Variants in C11orf65 observed in about 807,000 individuals in gnomAD.
The protein encoded by C11orf65 is protein MFI.
Under a neutral mutation model 35.3 loss-of-function variants are expected in C11orf65, and 38 were observed. That is an observed-to-expected ratio of 1.08 (90% confidence interval 0.83 to 1.41). C11orf65 has a LOEUF of 1.41. C11orf65 is among the 40% of genes most tolerant of loss of function. The probability of loss-of-function intolerance (pLI) is 0.00; values close to 1 mark genes in which losing one functional copy is unlikely to be tolerated. For missense variants in C11orf65, 370 were observed against 367.1 expected, an observed-to-expected ratio of 1.01 and a Z score of -0.06; for synonymous variants, 105 against 114.4, an observed-to-expected ratio of 0.92 and a Z score of 0.53.
chr11:108,361,820 C>T (rs879006502), intron 2 of C11orf65, among the ~76,000 whole-genome samples: 3 of 152,196 alleles, frequency 2.0e-5, no homozygotes, highest in African/African-American at 4.8e-5. Flanking sequence ...AAGACTTAAA[C>T]GTTAGACCTA....
chr11:108,328,219 C>G (rs758340732), downstream of C11orf65, among the ~76,000 whole-genome samples: 3 of 152,078 alleles, frequency 2.0e-5, no homozygotes, highest in Non-Finnish European at 4.4e-5. Flanking sequence ...ATAAGTGTAA[C>G]ATGAAACACA....
Position 108,317,658 on chromosome 11 carries a change from C to T in C11orf65, c.641-8587G>A, listed in dbSNP as rs1334189795. The T allele has an allele frequency of 1.8e-3, 339 of 188,692 alleles. 3 individuals are homozygous for T. The highest frequency in any genetic ancestry group is 0.01 in the African/African-American group (289 of 27,670). The allele number at this position is 188,692 out of a possible 1,614,324, so 11.7% of individuals were successfully genotyped here. Reference sequence around the variant, plus strand: ...ATATATATATATATATATATACACACACACACACACACACACTATATATAT... The same window carrying T: ...ATATATATATATATATATATACACATACACACACACACACACTATATATAT... On this transcript the variant is annotated intron_variant, in intron 6 of 6. Coordinates refer to the C11orf65 transcript ENST00000525729.
At chr11:108,389,654 T>C (rs1336995569) in intron 7 of C11orf65, among the ~76,000 whole-genome samples, 5 of 152,164 alleles carry the variant, frequency 3.3e-5, no homozygotes, top group Non-Finnish European at 7.4e-5. Flanking sequence ...CTTCAAGTCT[T>C]ACTGGTTTAT....
chr11:108,445,083 G>A (rs538727192), intron 2 of C11orf65, among the ~76,000 whole-genome samples: 1 of 152,316 alleles, frequency 6.6e-6, no homozygotes, highest in Admixed American at 6.5e-5. Context: ...GCCCAGGCTT[G>A]ATTTGGTAAA....
At chr11:108,358,819 C>T (rs1162575161) in intron 2 of C11orf65, among the ~76,000 whole-genome samples, 15 of 149,480 alleles carry the variant, frequency 1.0e-4, no homozygotes, top group African/African-American at 2.4e-4. Flanking sequence ...AAGGAACAAC[C>T]GGTACCAGCC....
chr11:108,333,076 T>C (rs993298364), intron 3 of C11orf65, among the ~76,000 whole-genome samples: 29 of 152,168 alleles, frequency 1.9e-4, no homozygotes, highest in South Asian at 2.1e-4. Context: ...TAATATCTCT[T>C]AATAGAACTG....
intron 3 of C11orf65, among the ~76,000 whole-genome samples, chr11:108,420,279 A>C (rs1156799404): frequency 6.6e-6 from 1 of 152,236 alleles, no homozygotes; most frequent in Non-Finnish European, 1.5e-5. Context: ...CCAAAAGAAG[A>C]TGCTTATATG....
intron 3 of C11orf65, among the ~76,000 whole-genome samples, chr11:108,410,294 C>T (rs1273187916): frequency 1.3e-5 from 2 of 152,164 alleles, no homozygotes; most frequent in Non-Finnish European, 2.9e-5. Flanking sequence ...TTTCTTATGA[C>T]TAACCATGCT....
intron 2 of C11orf65, among the ~76,000 whole-genome samples, chr11:108,439,967 T>C (rs960220205): frequency 5.9e-5 from 9 of 152,202 alleles, no homozygotes; most frequent in Non-Finnish European, 1.0e-4. Context: ...AATTTTATGT[T>C]ATGAACATTT....
In C11orf65 at chr11:108,318,897, C is replaced by T. The variant is rs991971640; in HGVS notation, c.641-9826G>A. Reference sequence around the variant, plus strand: ...TTTGTAGAAAAAAAAAATTATTGGCCGAGCGCGGTGGCTCATGCCTATAAT... The same window carrying T: ...TTTGTAGAAAAAAAAAATTATTGGCTGAGCGCGGTGGCTCATGCCTATAAT... On this transcript the variant is annotated intron_variant, in intron 6 of 6. Coordinates refer to the C11orf65 transcript ENST00000525729. 6.6e-5 allele frequency among the ~76,000 whole-genome samples: 10 copies of T among 151,966 alleles called. 1 individual carries two copies. The highest frequency in any genetic ancestry group is 6.8e-3 in the Middle Eastern group (2 of 294).
downstream of C11orf65, chr11:108,329,212 T>C (rs1239369148): frequency 3.7e-6 from 6 of 1,613,794 alleles, no homozygotes; most frequent in Non-Finnish European, 4.2e-6. Flanking sequence ...TAGGTCTCCT[T>C]AGGGAACATA....
chr11:108,362,100 A>G (rs1331777788), intron 2 of C11orf65, among the ~76,000 whole-genome samples: 4 of 138,642 alleles, frequency 2.9e-5, no homozygotes, highest in African/African-American at 8.2e-5. Context: ...ACAAATTTAC[A>G]AGAAAAAAAC....
intron 2 of C11orf65, among the ~76,000 whole-genome samples, chr11:108,372,428 A>T (rs567671890): frequency 6.6e-6 from 1 of 152,210 alleles, no homozygotes; most frequent in African/African-American, 2.4e-5. Flanking sequence ...TCCTGACCTC[A>T]GTGATATGCC....
intron 2 of C11orf65, among the ~76,000 whole-genome samples, chr11:108,449,554 A>C (rs2093317340): frequency 6.6e-6 from 1 of 152,072 alleles, no homozygotes; most frequent in Admixed American, 6.5e-5. Flanking sequence ...CCTATTTAAT[A>C]AATGGTGCTG....
chr11:108,327,171 T>C (rs973301602), downstream of C11orf65, among the ~76,000 whole-genome samples: 3 of 152,178 alleles, frequency 2.0e-5, no homozygotes, highest in East Asian at 5.8e-4. Context: ...TATAGCATCT[T>C]CTGTTATTAG....
intron 2 of C11orf65, among the ~76,000 whole-genome samples, chr11:108,444,316 C>T (rs2093214295): frequency 6.6e-6 from 1 of 151,956 alleles, no homozygotes. Flanking sequence ...GAAATTGAGG[C>T]AATAATTAAT....
exon 3 of C11orf65, chr11:108,335,227 G>T: frequency 6.4e-7 from 1 of 1,565,078 alleles, no homozygotes; most frequent in Non-Finnish European, 8.6e-7. Flanking sequence ...TACAAATGAG[G>T]AAGATTTGTA....
intron 2 of C11orf65, among the ~76,000 whole-genome samples, chr11:108,455,713 G>A (rs1352311015): frequency 6.6e-6 from 1 of 150,992 alleles, no homozygotes; most frequent in African/African-American, 2.4e-5. Context: ...CTACTCGGGA[G>A]GCTGAGGCAG....
intron 2 of C11orf65, among the ~76,000 whole-genome samples, chr11:108,453,140 G>A (rs1275236979): frequency 1.4e-5 from 2 of 140,656 alleles, no homozygotes; most frequent in Admixed American, 7.2e-5. Flanking sequence ...AGAACTTAAA[G>A]TATAATTAAA....
Sources: allele counts gnomAD v4.1 joint callset (sites outside exome capture counted in the v4.1 genomes callset), GRCh38; gene constraint gnomAD v4.1.1; transcripts MANE v1.5; gene names NCBI Gene and HGNC (gene_info 2026-07-23, HGNC 2026-07-21).